Variants in KPRP observed in about 807,000 individuals in gnomAD.
KPRP encodes keratinocyte proline-rich protein.
For missense variants in KPRP, 820 were observed against 746.4 expected (o/e 1.10, Z -1.15); for synonymous variants, 282 against 276.9 (o/e 1.02, Z -0.18).
chr1:152,761,316 T>TCA lies in KPRP; in HGVS notation c.1728_1729insCA (p.Ala577GlnfsTer33). ...CTGGAGTGAAAGGGGAAGCAAAGAG[T>TCA]GCTTATTTTTAAAGGAAAGGTGACT... On this transcript the variant is annotated frameshift_variant, in exon 1 of 1. Transcript: ENST00000606109. LOFTEE classifies it high-confidence loss of function. 1 of 1,611,858 alleles carries TCA rather than the reference T, an allele frequency of 6.2e-7. No homozygotes were observed. Among genetic ancestry groups the TCA allele is most frequent in the Non-Finnish European group, 8.5e-7 (1 of 1,178,940 alleles).
At chr1:152,759,806 A>T in exon 1 of KPRP, 1 of 1,614,178 alleles carries the variant, frequency 6.2e-7, no homozygotes, top group Non-Finnish European at 8.5e-7. Flanking sequence ...ACACAGGTGA[A>T]GTGCCAGTCT....
exon 1 of KPRP, chr1:152,760,894 C>A (rs749628404): frequency 2.5e-6 from 4 of 1,614,172 alleles, no homozygotes; most frequent in Non-Finnish European, 2.5e-6. Context: ...GTATCCAGAA[C>A]CACTTCCAGC....
exon 1 of KPRP, chr1:152,760,096 G>T: frequency 3.1e-6 from 5 of 1,614,170 alleles, no homozygotes; most frequent in Non-Finnish European, 4.2e-6. Flanking sequence ...AGGGCGTCCT[G>T]CAGTGTGCCA....
At chr1:152,761,385 T>G in exon 1 of KPRP, 1 of 1,547,534 alleles carries the variant, frequency 6.5e-7, no homozygotes, top group Non-Finnish European at 8.7e-7. Flanking sequence ...TTCCTCCTAT[T>G]CCACAATTTC....
chr1:152,761,245 G>A, exon 1 of KPRP: 1 of 1,614,180 alleles, frequency 6.2e-7, no homozygotes, highest in Non-Finnish European at 8.5e-7. Flanking sequence ...TGTGTTTCCA[G>A]AGCGGAGGGG....
chr1:152,759,022 C>T (rs903348748), upstream of KPRP, among the ~76,000 whole-genome samples: 4 of 152,346 alleles, frequency 2.6e-5, no homozygotes, highest in African/African-American at 9.6e-5. Flanking sequence ...GAGAAACAAA[C>T]ATTTAATGTT....
rs774000736 is a variant in KPRP, at chr1:152,760,564, C to T, written c.976C>T (p.Arg326Ter). The change falls in exon 1 of 1, where the codon CGA (arginine) becomes TGA (stop). Residue 326 changes from arginine (R) to a stop codon, truncating the protein, a stop_gained. Transcript: ENST00000606109. LOFTEE classifies it low-confidence loss of function (END_TRUNC). ...CTCTCAGAGACGTGGCCCCAAGTGC[C>T]GAATCGAGATTTCCTCCCCGTGCTG... 5.0e-6 allele frequency: 8 copies of T among 1,609,542 alleles called. No homozygotes were observed. In the African/African-American group the frequency reaches 9.3e-5, roughly 19 times the overall value.
rs1288270464 is a variant in KPRP at position 152,761,519 on chromosome 1, T to G, written c.*191T>G. 7.4e-6 allele frequency: 8 copies of G among 1,073,930 alleles called. No individual in the cohort carries two copies. The South Asian group carries it at 1.4e-4, about 18-fold the overall frequency. 66.5% of individuals were successfully genotyped at this position (1,073,930 alleles called of 1,614,324 possible). A position where few individuals can be genotyped will look rare whatever the true frequency, so the allele number is the denominator to read the frequency against. ...CTGGGTCTCAGATGCCTCTCCAGCCTCACGTGTCACTCCTCGCCCGTACGC... is the reference window on the plus strand; with the variant it reads ...CTGGGTCTCAGATGCCTCTCCAGCCGCACGTGTCACTCCTCGCCCGTACGC... On this transcript the variant is annotated 3_prime_UTR_variant, in exon 1 of 1. Transcript: ENST00000606109.
At chr1:152,759,506 C>G, upstream of KPRP, 1 of 1,526,218 alleles carries the variant, frequency 6.6e-7, no homozygotes, top group Non-Finnish European at 8.8e-7. Context: ...TCCTCTAGGT[C>G]CTGGCACCCC....
At position 152,759,629 on chromosome 1, in the gene KPRP, A is replaced by C. The variant is rs113343037; in HGVS notation, c.41A>C (p.Gln14Pro). The C allele has an allele frequency of 3.1e-3, 5,070 of 1,614,034 alleles. 126 individuals carry two copies. In the African/African-American group the frequency reaches 0.057, roughly 18 times the overall value. ...CAGATCCAGTGCCGCCTGCCGCTCC[A>C]ACAGTGCTGCGTCAAGGGTCCCTCC... Residue 14 changes from glutamine (Q) to proline (P), a missense_variant, in exon 1 of 1, where the codon CAA (glutamine) becomes CCA (proline). Coordinates refer to ENST00000606109, the Ensembl canonical transcript of KPRP.
rs767386948 is a variant in KPRP, at chr1:152,760,252, C to T, written c.664C>T (p.Arg222Trp). Residue 222 changes from arginine to tryptophan, a missense_variant, in exon 1 of 1, where the codon CGG (arginine) becomes TGG (tryptophan). Physicochemically the swap from Arg to Trp is moderately radical, Grantham distance 101. Coordinates refer to ENST00000606109, the Ensembl canonical transcript of KPRP. ...CTACAGCAGCTGTTTCCCTCAGTAT[C>T]GGTCCCGGACTTCATTTAGTCCCTG... is the stretch of plus-strand genomic sequence containing the variant. 4.3e-6 allele frequency: 7 copies of T among 1,614,024 alleles called. No homozygotes were observed. In the East Asian group the frequency reaches 6.7e-5, roughly 15 times the overall value.
In KPRP at chr1:152,760,187, C is replaced by G. The variant is rs774902836; in HGVS notation, c.599C>G (p.Thr200Ser). 7 of 1,613,986 alleles carry G rather than the reference C, an allele frequency of 4.3e-6. No homozygotes were observed. In the African/African-American group the frequency reaches 5.3e-5, roughly 12 times the overall value. ...GGCCCCCAGTTTCAGTCAAGGGCTA[C>G]CTGCAACAACTACACCCCCCAGTTC... The change falls in exon 1 of 1, where the codon ACC (threonine) becomes AGC (serine). Residue 200 changes from threonine (T) to serine (S), a missense_variant. By Grantham distance (58) the Thr-to-Ser change is moderately conservative (BLOSUM62 1). Coordinates refer to ENST00000606109, the Ensembl canonical transcript of KPRP.
At chr1:152,760,663 C>A in exon 1 of KPRP, 1 of 1,612,088 alleles carries the variant, frequency 6.2e-7, no homozygotes, top group Non-Finnish European at 8.5e-7. Context: ...GAGCTGTGGC[C>A]CGCAGCCCTC....
At chr1:152,758,621 G>A (rs1290766058), upstream of KPRP, among the ~76,000 whole-genome samples, 2 of 152,162 alleles carry the variant, frequency 1.3e-5, no homozygotes, top group Non-Finnish European at 2.9e-5. Flanking sequence ...TGGTGTCAGG[G>A]TGTATGCCTG....
chr1:152,759,421 G>A (rs563335269), upstream of KPRP: 41 of 1,184,636 alleles, frequency 3.5e-5, no homozygotes, highest in South Asian at 6.2e-4. Flanking sequence ...ATTAATCCTG[G>A]GTCGAACTAA....
At chr1:152,759,856 A>G in exon 1 of KPRP, 2 of 1,613,986 alleles carry the variant, frequency 1.2e-6, no homozygotes, top group Non-Finnish European at 1.7e-6. Flanking sequence ...ATGTCAGTCT[A>G]AGACCACCCA....
chr1:152,759,570 GA>G, exon 1 of KPRP: 1 of 1,607,820 alleles, frequency 6.2e-7, no homozygotes, highest in South Asian at 1.1e-5. Context: ...GGTCACTCTT[GA>G]CTGGCTGCAT....
exon 1 of KPRP, chr1:152,760,836 A>G (rs1651098968): frequency 6.2e-7 from 1 of 1,614,144 alleles, no homozygotes; most frequent in Middle Eastern, 1.6e-4. Context: ...GCATAAGTCT[A>G]GAACCACGCC....
In KPRP at chr1:152,761,617, T is replaced by C. The variant is rs1651136395; in HGVS notation, c.*289T>C. 4 of 345,418 alleles carry C rather than the reference T, an allele frequency of 1.2e-5. No individual in the cohort carries two copies. The East Asian group carries it at 2.7e-4, about 23-fold the overall frequency. 21.4% of individuals were successfully genotyped at this position (345,418 alleles called of 1,614,324 possible). On this transcript the variant is annotated 3_prime_UTR_variant, in exon 1 of 1. Coordinates refer to ENST00000606109, the Ensembl canonical transcript of KPRP. The stretch of plus-strand genomic sequence containing the variant: ...TGTTCCCCAGGCCATACTTTAGATG[T>C]CCCTGCCTCCAAGCCTCTGCTCACT...
Sources: gnomAD v4.1 joint callset for allele counts (sites outside exome capture counted in the v4.1 genomes callset) on GRCh38, gnomAD v4.1.1 for gene constraint, MANE v1.5 for transcripts, NCBI Gene and HGNC (gene_info 2026-07-23, HGNC 2026-07-21) for gene names.